Variants in MXRA7 observed in about 807,000 individuals in gnomAD.
MXRA7 encodes matrix-remodeling-associated protein 7.
Under a neutral mutation model 17.4 loss-of-function variants are expected in MXRA7, and 18 were observed. The ratio of observed to expected loss-of-function variants is 1.03; its 90% CI spans 0.71 to 1.53. The LOEUF is 1.53. Among genes scored for constraint, MXRA7 ranks in the 40% most tolerant of loss-of-function variants. The probability of loss-of-function intolerance (pLI) is 0.00; values close to 1 mark genes in which losing one functional copy is unlikely to be tolerated. For synonymous variants in MXRA7, 70 were observed against 101.7 expected (o/e 0.69, Z 1.87); for missense variants, 141 against 209.3 (o/e 0.67, Z 2.01).
At chr17:76,682,465 C>CG (rs1416661769) in intron 3 of MXRA7, among the ~76,000 whole-genome samples, 1 of 152,040 alleles carries the variant, frequency 6.6e-6, no homozygotes, top group African/African-American at 2.4e-5. Flanking sequence ...GATTCTAGGG[C>CG]GGTTCCCTGG....
downstream of MXRA7, chr17:76,677,774 G>C: frequency 9.1e-7 from 1 of 1,100,952 alleles, no homozygotes. Context: ...CCTGTGTGCA[G>C]CCGGCGGAGT....
At chr17:76,699,467 C>T (rs903356453) in intron 1 of MXRA7, among the ~76,000 whole-genome samples, 3 of 152,086 alleles carry the variant, frequency 2.0e-5, no homozygotes, top group Admixed American at 1.3e-4. Context: ...TTAAGAACAT[C>T]TTCAAATGCC....
At chr17:76,674,848 C>A (rs550787327), downstream of MXRA7, 4 of 152,362 alleles carry the variant, frequency 2.6e-5, no homozygotes, top group African/African-American at 9.6e-5. Context: ...GACCAGTTCC[C>A]TTACGCCTAG....
chr17:76,695,046 G>C (rs1194562237), intron 1 of MXRA7, among the ~76,000 whole-genome samples: 1 of 152,112 alleles, frequency 6.6e-6, no homozygotes, highest in Admixed American at 6.6e-5. Context: ...TGTAATCCCA[G>C]CTACTTGGGA....
downstream of MXRA7, chr17:76,675,620 C>G (rs370446225): frequency 2.0e-5 from 3 of 152,008 alleles, no homozygotes; most frequent in Non-Finnish European, 2.9e-5. Flanking sequence ...GTCTTGAACT[C>G]CTGACCTCAA....
At chr17:76,679,517 T>A (rs1405868781), downstream of MXRA7, 1 of 843,992 alleles carries the variant, frequency 1.2e-6, no homozygotes, top group Non-Finnish European at 1.4e-6. Flanking sequence ...CTTCAATGGG[T>A]TCAAAAGGGA....
At chr17:76,676,754 A>C (rs1420095541), downstream of MXRA7, 1 of 152,184 alleles carries the variant, frequency 6.6e-6, no homozygotes, top group Non-Finnish European at 1.5e-5. Context: ...AAAGAAAAAA[A>C]CGCTCTCCTT....
At chr17:76,697,432 T>A (rs2076543699) in intron 1 of MXRA7, among the ~76,000 whole-genome samples, 1 of 152,136 alleles carries the variant, frequency 6.6e-6, no homozygotes, top group Non-Finnish European at 1.5e-5. Flanking sequence ...CCCTGGCAAA[T>A]GAATACATCA....
chr17:76,680,557 G>C lies in MXRA7; in HGVS notation c.*310C>G, dbSNP rs140626493. On this transcript the variant is annotated 3_prime_UTR_variant, in exon 4 of 4. Transcript: ENST00000449428. ...CTAAGGTGTGCAGGGTGTGTGGATAGCAAGTTTGAGTGGTAAGAAAAATCC... is the reference window on the plus strand; with the variant it reads ...CTAAGGTGTGCAGGGTGTGTGGATACCAAGTTTGAGTGGTAAGAAAAATCC... 338 of 1,154,658 alleles carry C rather than the reference G, an allele frequency of 2.9e-4. No individual in the cohort carries two copies. The African/African-American group carries it at 5.1e-3, about 17-fold the overall frequency. The allele number at this position is 1,154,658 out of a possible 1,614,324, so 71.5% of individuals were successfully genotyped here. A position where few individuals can be genotyped will look rare whatever the true frequency, so the allele number is the denominator to read the frequency against.
At chr17:76,684,514 C>T (rs563037823) in intron 3 of MXRA7, 7 of 290,876 alleles carry the variant, frequency 2.4e-5, no homozygotes, top group East Asian at 1.2e-4. Context: ...GAAAAGGTGG[C>T]GGGGTGCCCA....
chr17:76,673,646 A>G (rs755000790), exon 4 of MXRA7: 1 of 152,132 alleles, frequency 6.6e-6, no homozygotes, highest in Non-Finnish European at 1.5e-5. Context: ...AGAATAAAAC[A>G]ATCTCAGAGT....
intron 1 of MXRA7, among the ~76,000 whole-genome samples, chr17:76,694,051 T>G (rs1211346195): frequency 1.3e-5 from 2 of 152,204 alleles, no homozygotes; most frequent in Non-Finnish European, 2.9e-5. Context: ...GTGGCCCCAG[T>G]TGGGGCGGTC....
chr17:76,681,764 C>T lies in MXRA7; in HGVS notation c.501-885G>A, dbSNP rs1285720786. Among the ~76,000 whole-genome samples the T allele has an allele frequency of 1.3e-5, 2 of 152,242 alleles. No individual in the cohort carries two copies. Among genetic ancestry groups the T allele is most frequent in the Non-Finnish European group, 2.9e-5 (2 of 68,036 alleles). On this transcript the variant is annotated intron_variant, in intron 3 of 3. Transcript: ENST00000449428. The surrounding 1 kb of genome is among the most constrained non-coding windows in gnomAD (Gnocchi z 4.7). ...GAGCTGACAGCCGCGCCTGTTCTTT[C>T]TCCTGCCAAGCTGTGAAGCCAGCCA...
intron 1 of MXRA7, 34 bp from the exon 2 acceptor site, chr17:76,688,210 A>G (rs771253565): frequency 6.2e-7 from 1 of 1,613,542 alleles, no homozygotes; most frequent in South Asian, 1.1e-5. Context: ...TGCCCTTGGC[A>G]CAGACTGGGT....
downstream of MXRA7, among the ~76,000 whole-genome samples, chr17:76,679,019 G>C (rs1393214174): frequency 6.6e-6 from 1 of 152,152 alleles, no homozygotes; most frequent in Non-Finnish European, 1.5e-5. Context: ...AGAGGGTCAG[G>C]TGCAGTGGCT....
intron 1 of MXRA7, chr17:76,688,856 G>A: frequency 5.0e-6 from 2 of 399,110 alleles, no homozygotes; most frequent in East Asian, 3.8e-5. Context: ...GGGAGCCCCA[G>A]GAACTTCAAC....
chr17:76,676,848 C>T, downstream of MXRA7: 1 of 152,570 alleles, frequency 6.6e-6, no homozygotes, highest in Non-Finnish European at 1.5e-5. Flanking sequence ...GTCAAGGCTG[C>T]AGTGAGTCAT....
At chr17:76,679,089 G>A (rs982812855), downstream of MXRA7, among the ~76,000 whole-genome samples, 1 of 152,096 alleles carries the variant, frequency 6.6e-6, no homozygotes, top group African/African-American at 2.4e-5. Flanking sequence ...GAGCCCAGGA[G>A]TTCAAGACCA....
At chr17:76,707,291 C>CTTTTTTTTTTTTTTTTTTTT (rs56067261) in intron 1 of MXRA7, among the ~76,000 whole-genome samples, 1 of 96,128 alleles carries the variant, frequency 1.0e-5, no homozygotes, top group Non-Finnish European at 1.9e-5. Flanking sequence ...AGTCCCTACT[C>CTTTTTTTTTTTTTTTTTTTT]TTTTTTTTTT....
Sources: gnomAD v4.1 joint callset for allele counts (sites outside exome capture counted in the v4.1 genomes callset) on GRCh38, gnomAD v4.1.1 for gene constraint, Gnocchi (gnomAD v3.1) non-coding constraint, MANE v1.5 for transcripts, NCBI Gene and HGNC (gene_info 2026-07-23, HGNC 2026-07-21) for gene names.